Variants in B3GLCT observed in about 807,000 individuals in gnomAD.
B3GLCT encodes beta-1,3-glucosyltransferase.
A neutral mutation model predicts 63.4 loss-of-function variants in B3GLCT; 65 were observed. The observed-to-expected ratio is 1.03, with a 90% confidence interval of 0.84 to 1.26. The LOEUF (loss-of-function observed/expected upper bound fraction) is 1.26. Among genes scored for constraint, B3GLCT ranks in the 50% most tolerant of loss-of-function variants. The pLI is 0.00. For synonymous variants in B3GLCT, 233 were observed against 219.2 expected, an observed-to-expected ratio of 1.06 and a Z score of -0.55; for missense variants, 577 against 604.8, an observed-to-expected ratio of 0.95 and a Z score of 0.48.
At chr13:31,206,266 AT>A (rs1218973653) in intron 1 of B3GLCT, among the ~76,000 whole-genome samples, 1 of 152,154 alleles carries the variant, frequency 6.6e-6, no homozygotes, top group African/African-American at 2.4e-5. Context: ...AGAAGCCTGT[AT>A]TTGTTAAAAT....
At chr13:31,311,668 C>G (rs1320334743) in intron 12 of B3GLCT, 2 of 152,214 alleles carry the variant, frequency 1.3e-5, no homozygotes, top group East Asian at 3.9e-4. Context: ...AACCTAAGCC[C>G]TCATGCATGG....
chr13:31,302,637 A>G (rs1593309157), intron 12 of B3GLCT, among the ~76,000 whole-genome samples: 1 of 45,968 alleles, frequency 2.2e-5, no homozygotes, highest in Non-Finnish European at 5.0e-5. Flanking sequence ...GAAACGGCGC[A>G]CCACGAGACG....
rs1874037347 is a variant in B3GLCT at position 31,297,889 on chromosome 13, G to A, written c.1064+11070G>A. Among the ~76,000 whole-genome samples, 8 of 152,218 alleles carry A rather than the reference G, an allele frequency of 5.3e-5. No individual in the cohort carries two copies. In the South Asian group the frequency reaches 1.7e-3, roughly 32 times the overall value. On this transcript the variant is annotated intron_variant, in intron 12 of 14. Coordinates refer to ENST00000343307, the MANE Select transcript of B3GLCT (RefSeq NM_194318.4). ...TACAAAGATACAGATGAAGAGATGT[G>A]TAGGGTGAGGTATGAGAGAAGGGGT...
chr13:31,208,595 C>T (rs1471625223), intron 1 of B3GLCT, among the ~76,000 whole-genome samples: 1 of 87,350 alleles, frequency 1.1e-5, no homozygotes, highest in African/African-American at 3.1e-5. Context: ...TGTCTCAGAG[C>T]CTGCAGCTTC....
At chr13:31,211,609 A>T (rs1869263804) in intron 1 of B3GLCT, among the ~76,000 whole-genome samples, 1 of 150,888 alleles carries the variant, frequency 6.6e-6, no homozygotes, top group Non-Finnish European at 1.5e-5. Flanking sequence ...TTTTAAAGGG[A>T]TATTTTAACT....
rs34905307 is a variant in B3GLCT at position 31,208,576 on chromosome 13, C to CG, written c.71-6472dup. ...CTCCCTTCCCGTCTCACCCCCCACC[C>CG]GGGTGCTCTGTCTCAGAGCCTGCAG... On this transcript the variant is annotated intron_variant, in intron 1 of 14. Coordinates refer to ENST00000343307, the MANE Select transcript of B3GLCT (RefSeq NM_194318.4). 5.6e-5 allele frequency among the ~76,000 whole-genome samples: 8 copies of CG among 142,380 alleles called. No individual in the cohort carries two copies. In the East Asian group the frequency reaches 1.7e-3, roughly 31 times the overall value. 93.4% of individuals were successfully genotyped at this position (142,380 alleles called of 152,430 possible). A position where few individuals can be genotyped will look rare whatever the true frequency, so the allele number is the denominator to read the frequency against.
chr13:31,280,546 A>G (rs1873021310), intron 10 of B3GLCT, among the ~76,000 whole-genome samples: 1 of 152,174 alleles, frequency 6.6e-6, no homozygotes. Flanking sequence ...CTCCTGCTTC[A>G]TTATATGTTG....
chr13:31,285,363 A>G (rs1041503080), intron 11 of B3GLCT, among the ~76,000 whole-genome samples: 4 of 152,040 alleles, frequency 2.6e-5, no homozygotes, highest in African/African-American at 9.7e-5. Context: ...AGTACGATAG[A>G]CACTCTTCGG....
intron 6 of B3GLCT, among the ~76,000 whole-genome samples, chr13:31,251,196 G>C: frequency 6.6e-6 from 1 of 152,132 alleles, no homozygotes; most frequent in East Asian, 1.9e-4. Context: ...TCCACTCAGA[G>C]ACCCCCTCCG....
chr13:31,308,676 C>T (rs1243380546), intron 12 of B3GLCT, among the ~76,000 whole-genome samples: 1 of 152,152 alleles, frequency 6.6e-6, no homozygotes, highest in Non-Finnish European at 1.5e-5. Context: ...TTCTCATAAT[C>T]CATTTTTATA....
intron 8 of B3GLCT, among the ~76,000 whole-genome samples, chr13:31,273,513 CTGTT>C (rs1378741768): frequency 7.2e-5 from 11 of 151,784 alleles, no homozygotes; most frequent in Admixed American, 2.6e-4. Context: ...ATTTTATAAT[CTGTT>C]TGATAATTCT....
chr13:31,218,065 G>A (rs1252105585), intron 2 of B3GLCT, among the ~76,000 whole-genome samples: 1 of 151,886 alleles, frequency 6.6e-6, no homozygotes, highest in Non-Finnish European at 1.5e-5. Context: ...CATGAACAAG[G>A]AATGTTTTTC....
chr13:31,258,365 A>G (rs368031635), intron 6 of B3GLCT, among the ~76,000 whole-genome samples: 5 of 152,010 alleles, frequency 3.3e-5, no homozygotes, highest in East Asian at 1.9e-4. Flanking sequence ...TTTTTCTTCA[A>G]CTTCATGTTG....
chr13:31,226,036 G>A (rs1870085254), intron 3 of B3GLCT, among the ~76,000 whole-genome samples: 1 of 152,160 alleles, frequency 6.6e-6, no homozygotes, highest in Non-Finnish European at 1.5e-5. Context: ...GATACCACAG[G>A]CTGTGGGCTC....
intron 1 of B3GLCT, among the ~76,000 whole-genome samples, chr13:31,212,645 A>G (rs1869329334): frequency 6.6e-6 from 1 of 152,126 alleles, no homozygotes; most frequent in South Asian, 2.1e-4. Context: ...CCTGGCTTCA[A>G]GGGGTCCTCC....
chr13:31,213,621 A>ACCCCCCC (rs71099943), intron 1 of B3GLCT, among the ~76,000 whole-genome samples: 3 of 55,044 alleles, frequency 5.5e-5, no homozygotes, highest in African/African-American at 7.6e-5. Flanking sequence ...CCCCCACCCC[A>ACCCCCCC]CCCCCCCCCC....
At chr13:31,246,951 C>CTTTTTTTTTTTTTTTTTTTTTTTTTT in intron 4 of B3GLCT, 72 bp from the exon 5 acceptor site, 5 of 778,768 alleles carry the variant, frequency 6.4e-6, no homozygotes, top group Middle Eastern at 2.9e-4. Context: ...CTTTTCTTTT[C>CTTTTTTTTTTTTTTTTTTTTTTTTTT]TTTTTTTTTT....
At chr13:31,290,670 G>T (rs984828403) in intron 12 of B3GLCT, among the ~76,000 whole-genome samples, 1 of 152,146 alleles carries the variant, frequency 6.6e-6, no homozygotes, top group African/African-American at 2.4e-5. Context: ...TTTGAGAAGC[G>T]TCTGTTCATA....
At chr13:31,305,378 A>G (rs201445377) in intron 12 of B3GLCT, among the ~76,000 whole-genome samples, 9,132 of 93,646 alleles carry the variant, frequency 0.098, 260 homozygotes, top group Non-Finnish European at 0.11. Context: ...CAAAAAATCA[A>G]TGAATCCAGG....
Sources: allele counts gnomAD v4.1 joint callset (sites outside exome capture counted in the v4.1 genomes callset), GRCh38; gene constraint gnomAD v4.1.1; transcripts MANE v1.5; gene names NCBI Gene and HGNC (gene_info 2026-07-23, HGNC 2026-07-21).